CDK14: variants seen among roughly 807,000 people sequenced by gnomAD.
The protein encoded by CDK14 is cyclin-dependent kinase 14.
In CDK14, 34 loss-of-function variants were observed where a neutral mutation model predicts 60.7. The ratio of observed to expected loss-of-function variants is 0.56; its 90% CI spans 0.43 to 0.75. The LOEUF (loss-of-function observed/expected upper bound fraction) is 0.75, where lower values mean the gene tolerates loss of function less well. Ranked by LOEUF, CDK14 falls within the 30% of genes least tolerant of loss-of-function variation. The pLI, the probability that CDK14 is intolerant of heterozygous loss-of-function variation, is 0.00. For missense variants in CDK14, 482 were observed against 564.1 expected (o/e 0.85, Z 1.47); for synonymous variants, 197 against 203.7 (o/e 0.97, Z 0.28).
At chr7:90,933,033 T>C (rs973837888) in intron 8 of CDK14, among the ~76,000 whole-genome samples, 2 of 152,144 alleles carry the variant, frequency 1.3e-5, no homozygotes, top group Admixed American at 6.5e-5. Context: ...CTATGTGATA[T>C]GGTTTTCCAT....
chr7:90,648,471 T>C (rs946615332), intron 2 of CDK14, among the ~76,000 whole-genome samples: 8 of 152,112 alleles, frequency 5.3e-5, no homozygotes, highest in African/African-American at 1.9e-4. Flanking sequence ...AGGTCAGTCC[T>C]ATTGGTATGG....
chr7:91,030,225 C>T (rs1310598009), intron 10 of CDK14, among the ~76,000 whole-genome samples: 2 of 151,942 alleles, frequency 1.3e-5, no homozygotes, highest in African/African-American at 4.8e-5. Flanking sequence ...CTATTTTGAC[C>T]CAAATTTTTA....
At chr7:90,777,016 T>TA (rs11370384) in intron 4 of CDK14, among the ~76,000 whole-genome samples, 8,017 of 147,896 alleles carry the variant, frequency 0.054, 239 homozygotes, top group South Asian at 0.11. Flanking sequence ...CGAAGTTAGT[T>TA]AAAAAAAAAA....
intron 2 of CDK14, among the ~76,000 whole-genome samples, chr7:90,712,623 GAATAGAAAT>G (rs1802107254): frequency 6.6e-6 from 1 of 152,008 alleles, no homozygotes; most frequent in Non-Finnish European, 1.5e-5. Flanking sequence ...AAGGAATAAG[GAATAGAAAT>G]GCACTGAGAG....
At position 90,596,663 on chromosome 7, in the gene CDK14, G is replaced by A. The variant is rs752104845; in HGVS notation, c.36G>A (p.Lys12=). The change falls in exon 1 of 15, where the codon AAG becomes AAA. Residue 12 remains lysine, a synonymous_variant. Transcript: ENST00000380050. ...TCATTGAGCCGCAGCCGGCCGAGAA[G>A]ATCGGCAAGATGAAGAAGTTGCGGA... ...CDLIEPQPAE[K]IGKMKKLRRT... is the part of the protein sequence containing the mutation. 1 of 1,612,252 alleles carries A rather than the reference G, an allele frequency of 6.2e-7. No individual in the cohort carries two copies. Among genetic ancestry groups the A allele is most frequent in the Non-Finnish European group, 8.5e-7 (1 of 1,179,452 alleles).
chr7:90,894,090 G>A (rs1371109639), intron 6 of CDK14, among the ~76,000 whole-genome samples: 2 of 152,030 alleles, frequency 1.3e-5, no homozygotes, highest in Non-Finnish European at 2.9e-5. Context: ...CTCTAAACAC[G>A]CTACAGAAAA....
chr7:91,036,462 A>AT (rs200224370), intron 10 of CDK14, among the ~76,000 whole-genome samples: 3 of 151,858 alleles, frequency 2.0e-5, no homozygotes, highest in South Asian at 2.1e-4. Context: ...TTAGATGTGG[A>AT]TTTTTTTTCA....
chr7:91,182,900 G>A (rs549488131), intron 14 of CDK14, among the ~76,000 whole-genome samples: 2 of 152,260 alleles, frequency 1.3e-5, no homozygotes, highest in South Asian at 4.1e-4. Flanking sequence ...TATAAATGTT[G>A]AGGAATAAAT....
At position 91,088,373 on chromosome 7, in the gene CDK14, T is replaced by C. The variant is rs1584039211; in HGVS notation, c.1154+8893T>C. Among the ~76,000 whole-genome samples the C allele has an allele frequency of 2.0e-5, 3 of 152,176 alleles. No individual in the cohort carries two copies. The East Asian group carries it at 5.8e-4, about 29-fold the overall frequency. On this transcript the variant is annotated intron_variant, in intron 12 of 14. Transcript: ENST00000380050. ...TTCCATCATGGCAGTGACATTTACT[T>C]TAACAACAGATTTCATTATGTCTTT...
In CDK14 at chr7:90,709,426, C is replaced by T. The variant is rs536197663; in HGVS notation, c.124-17141C>T. On this transcript the variant is annotated intron_variant, in intron 2 of 14. Coordinates refer to ENST00000380050, the MANE Select transcript of CDK14 (RefSeq NM_001287135.2). ...TCCCCTTGATTAAATGTTTTTCCTC[C>T]TATGCAATCACCATTAGCTGTTTGG... 4.8e-5 allele frequency: 70 copies of T among 1,456,392 alleles called. 2 individuals are homozygous for T. In the South Asian group the frequency reaches 7.1e-4, roughly 15 times the overall value. 90.2% of individuals were successfully genotyped at this position (1,456,392 alleles called of 1,614,324 possible).
At chr7:91,072,480 C>G (rs1161527432) in intron 11 of CDK14, among the ~76,000 whole-genome samples, 1 of 152,156 alleles carries the variant, frequency 6.6e-6, no homozygotes, top group African/African-American at 2.4e-5. Context: ...AAAGCAACAA[C>G]AGCATCAACA....
At chr7:90,893,486 A>T (rs1272043746) in intron 6 of CDK14, among the ~76,000 whole-genome samples, 1 of 152,230 alleles carries the variant, frequency 6.6e-6, no homozygotes, top group Non-Finnish European at 1.5e-5. Context: ...GCTGTTGGTC[A>T]TATGCCATAG....
chr7:91,080,250 G>A (rs60804416), intron 12 of CDK14, among the ~76,000 whole-genome samples: 1 of 81,820 alleles, frequency 1.2e-5, no homozygotes. Context: ...TTTTTTCACT[G>A]TTATCACGTT....
intron 8 of CDK14, among the ~76,000 whole-genome samples, chr7:90,935,502 A>G (rs896046071): frequency 4.6e-5 from 7 of 152,232 alleles, no homozygotes; most frequent in African/African-American, 1.7e-4. Flanking sequence ...ATTCATTGTT[A>G]AGACATTGGG....
intron 2 of CDK14, among the ~76,000 whole-genome samples, chr7:90,719,915 T>A (rs1802384263): frequency 6.6e-6 from 1 of 152,200 alleles, no homozygotes; most frequent in Non-Finnish European, 1.5e-5. Flanking sequence ...CACACGATAC[T>A]GATAGCATAG....
chr7:91,145,397 C>T (rs1205191166), intron 14 of CDK14, among the ~76,000 whole-genome samples: 2 of 152,184 alleles, frequency 1.3e-5, no homozygotes, highest in African/African-American at 4.8e-5. Context: ...TTCTATGCCA[C>T]ACTGCACATA....
At chr7:91,121,705 A>C (rs1416251286) in intron 14 of CDK14, among the ~76,000 whole-genome samples, 1 of 152,242 alleles carries the variant, frequency 6.6e-6, no homozygotes, top group East Asian at 1.9e-4. Context: ...CCACTGGATT[A>C]TCAAAATACT....
intron 2 of CDK14, among the ~76,000 whole-genome samples, chr7:90,687,360 G>A (rs1801458721): frequency 6.6e-6 from 1 of 152,096 alleles, no homozygotes; most frequent in South Asian, 2.1e-4. Context: ...AGGCCAAGAA[G>A]CAGGTCTGAA....
intron 6 of CDK14, among the ~76,000 whole-genome samples, chr7:90,868,676 A>G (rs1297779344): frequency 3.3e-5 from 5 of 152,200 alleles, no homozygotes; most frequent in Admixed American, 6.5e-5. Flanking sequence ...AAATGTTTTT[A>G]TAGTGTTGTA....
Sources: gnomAD v4.1 joint callset for allele counts (sites outside exome capture counted in the v4.1 genomes callset) on GRCh38, gnomAD v4.1.1 for gene constraint, MANE v1.5 for transcripts, NCBI Gene and HGNC (gene_info 2026-07-23, HGNC 2026-07-21) for gene names.